The following RASA3 variants were observed in gnomAD, a reference collection of about 807,000 sequenced individuals.
RASA3 encodes RAS p21 protein activator 3.
In RASA3, 73 loss-of-function variants were observed where a neutral mutation model predicts 110.0. The observed-to-expected ratio is 0.66, with a 90% confidence interval of 0.55 to 0.81. The LOEUF (loss-of-function observed/expected upper bound fraction) is 0.81, where lower values mean the gene tolerates loss of function less well. RASA3 is among the 30% of genes least tolerant of loss of function. The pLI is 0.00. For missense variants in RASA3, 976 were observed against 1,113.2 expected, an observed-to-expected ratio of 0.88 and a Z score of 1.75; for synonymous variants, 500 against 451.4, an observed-to-expected ratio of 1.11 and a Z score of -1.37.
chr13:114,013,111 G>A (rs1323943542), intron 15 of RASA3, 31 bp downstream of exon 15: 1 of 1,590,470 alleles, frequency 6.3e-7, no homozygotes, highest in Non-Finnish European at 8.6e-7. Flanking sequence ...GGACAGCTCA[G>A]AAAGCCTCGG....
At chr13:114,080,447 C>T (rs2026733) in intron 1 of RASA3, among the ~76,000 whole-genome samples, 46,376 of 152,020 alleles carry the variant, frequency 0.31, 7,336 homozygotes, top group Middle Eastern at 0.44. Context: ...CTTGAGAGCA[C>T]CTCCAGCTCC....
At chr13:114,078,865 G>A (rs1269225225) in intron 1 of RASA3, among the ~76,000 whole-genome samples, 3 of 152,202 alleles carry the variant, frequency 2.0e-5, no homozygotes, top group Admixed American at 2.0e-4. Flanking sequence ...CTGACAGCGA[G>A]CTGTCGGGGC....
chr13:114,031,249 G>A (rs1252952463), intron 4 of RASA3, among the ~76,000 whole-genome samples: 2 of 151,704 alleles, frequency 1.3e-5, no homozygotes, highest in Non-Finnish European at 2.9e-5. Context: ...GCACACGGCT[G>A]TGTGTCTGCC....
chr13:114,106,960 A>G (rs1250046661), intron 1 of RASA3, among the ~76,000 whole-genome samples: 3 of 152,284 alleles, frequency 2.0e-5, no homozygotes, highest in African/African-American at 7.2e-5. Context: ...GTCTCCAGGT[A>G]GAAAAAGTTA....
At chr13:114,040,530 C>T (rs1476943904) in intron 4 of RASA3, among the ~76,000 whole-genome samples, 2 of 141,330 alleles carry the variant, frequency 1.4e-5, no homozygotes, top group Admixed American at 6.9e-5. Context: ...AAATCCATGG[C>T]GGAGCCCGCG....
chr13:114,106,802 A>G (rs1350634554), intron 1 of RASA3, among the ~76,000 whole-genome samples: 1 of 152,240 alleles, frequency 6.6e-6, no homozygotes, highest in Non-Finnish European at 1.5e-5. Flanking sequence ...TGGAAGGCAC[A>G]CGGCCCACAG....
chr13:114,131,891 G>A (rs7332154), intron 1 of RASA3, among the ~76,000 whole-genome samples: 117,527 of 152,046 alleles, frequency 0.77, 45,776 homozygotes, highest in Middle Eastern at 0.84. Context: ...ACGCGCGCAC[G>A]CAGGCACAGA....
chr13:114,017,101 C>A, intron 12 of RASA3, 136 bp downstream of exon 12: 1 of 732,128 alleles, frequency 1.4e-6, no homozygotes, highest in Non-Finnish European at 2.4e-6. Flanking sequence ...AATGAATCAG[C>A]ATCCCCGTGG....
chr13:114,043,617 G>T (rs977865872), intron 3 of RASA3, among the ~76,000 whole-genome samples: 2 of 152,076 alleles, frequency 1.3e-5, no homozygotes, highest in Admixed American at 1.3e-4. Context: ...TGCACGGGAC[G>T]CTGAAACCAC....
intron 4 of RASA3, among the ~76,000 whole-genome samples, chr13:114,031,531 T>A (rs1440466585): frequency 2.3e-5 from 2 of 87,436 alleles, no homozygotes; most frequent in African/African-American, 1.3e-4. Flanking sequence ...TGGCTGTGTG[T>A]CCACCTGTGT....
At chr13:114,130,188 C>T (rs2080498816) in intron 1 of RASA3, among the ~76,000 whole-genome samples, 1 of 152,196 alleles carries the variant, frequency 6.6e-6, no homozygotes, top group African/African-American at 2.4e-5. Context: ...CATCTCTGCT[C>T]AAATGCAGGA....
intron 2 of RASA3, among the ~76,000 whole-genome samples, chr13:114,054,964 G>A (rs925747417): frequency 2.2e-5 from 3 of 138,286 alleles, no homozygotes; most frequent in Admixed American, 2.1e-4. Flanking sequence ...GTGGGTGTGT[G>A]CACGTGTGTG....
intron 3 of RASA3, among the ~76,000 whole-genome samples, chr13:114,049,804 C>A (rs2079113339): frequency 6.6e-6 from 1 of 152,272 alleles, no homozygotes; most frequent in Non-Finnish European, 1.5e-5. Context: ...GAGACACAGG[C>A]CTGCCCTGCA....
chr13:114,007,788 C>A (rs1480896314), intron 17 of RASA3, among the ~76,000 whole-genome samples, 182 bp from the exon 18 acceptor site: 1 of 152,234 alleles, frequency 6.6e-6, no homozygotes, highest in Non-Finnish European at 1.5e-5. Flanking sequence ...GCCACCCCAG[C>A]CCCGGCACTG....
intron 1 of RASA3, among the ~76,000 whole-genome samples, chr13:114,123,174 C>T (rs2080402149): frequency 1.3e-5 from 2 of 152,216 alleles, no homozygotes; most frequent in African/African-American, 2.4e-5. Context: ...CACCACCGGA[C>T]GCCGAGGTGG....
chr13:114,002,230 G>A (rs1335705750), intron 18 of RASA3, among the ~76,000 whole-genome samples: 5 of 152,242 alleles, frequency 3.3e-5, no homozygotes, highest in Admixed American at 6.5e-5. Flanking sequence ...CTCAGAAATC[G>A]GAAAGAGGGG....
At chr13:114,127,668 G>A (rs536363117) in intron 1 of RASA3, among the ~76,000 whole-genome samples, 2 of 152,316 alleles carry the variant, frequency 1.3e-5, no homozygotes, top group Admixed American at 6.5e-5. Context: ...AGCTACTCAG[G>A]AAGTTGAAGC....
intron 20 of RASA3, among the ~76,000 whole-genome samples, chr13:113,998,868 G>A (rs1466074882): frequency 6.6e-6 from 1 of 152,266 alleles, no homozygotes; most frequent in Admixed American, 6.5e-5. Flanking sequence ...AGAGGGGAAG[G>A]AACCACAGCC....
In RASA3 at chr13:114,019,006, G is replaced by A. The variant is rs2053857236; in HGVS notation, c.786-87C>T. The stretch of plus-strand genomic sequence containing the variant: ...AGGGAAGCCCAGCTGCCTGCTTGAG[G>A]TCGACTGGTCAGGAGGGTGATCCTG... On this transcript the variant is annotated intron_variant, in intron 9 of 23. Coordinates refer to ENST00000334062, the MANE Select transcript of RASA3 (RefSeq NM_007368.4). 5.9e-6 allele frequency: 9 copies of A among 1,526,992 alleles called. 1 individual carries two copies. The South Asian group carries it at 8.3e-5, about 14-fold the overall frequency. 94.6% of individuals were successfully genotyped at this position (1,526,992 alleles called of 1,614,324 possible).
Sources: gnomAD v4.1 joint callset for allele counts (sites outside exome capture counted in the v4.1 genomes callset) on GRCh38, gnomAD v4.1.1 for gene constraint, MANE v1.5 for transcripts, NCBI Gene and HGNC (gene_info 2026-07-23, HGNC 2026-07-21) for gene names.